RSU1: variants seen among roughly 807,000 people sequenced by gnomAD.
The protein encoded by RSU1 is Ras suppressor protein 1.
A neutral mutation model predicts 31.1 loss-of-function variants in RSU1; 26 were observed. That is an observed-to-expected ratio of 0.84 (90% CI 0.61 to 1.16). The LOEUF (loss-of-function observed/expected upper bound fraction) is 1.16, where lower values mean the gene tolerates loss of function less well. Among genes scored for constraint, RSU1 ranks in the 50% most tolerant of loss-of-function variants. The pLI is 0.00. For synonymous variants in RSU1, 164 were observed against 136.3 expected (o/e 1.20, Z -1.41); for missense variants, 320 against 339.1 (o/e 0.94, Z 0.44).
At chr10:16,778,013 T>G (rs1217522998) in intron 3 of RSU1, among the ~76,000 whole-genome samples, 3 of 141,884 alleles carry the variant, frequency 2.1e-5, no homozygotes, top group Non-Finnish European at 3.0e-5. Flanking sequence ...CATAAGGTCA[T>G]ATACCTTTTT....
At chr10:16,778,705 G>A (rs1423506949) in intron 3 of RSU1, among the ~76,000 whole-genome samples, 1 of 152,140 alleles carries the variant, frequency 6.6e-6, no homozygotes, top group African/African-American at 2.4e-5. Flanking sequence ...GAGGGAGGAG[G>A]AGAGGCAGGC....
At chr10:16,784,169 C>G (rs1217516804) in intron 2 of RSU1, among the ~76,000 whole-genome samples, 3 of 123,774 alleles carry the variant, frequency 2.4e-5, no homozygotes, top group African/African-American at 1.6e-4. Flanking sequence ...GCAGCCTCAG[C>G]ATCCCAGGCT....
intron 2 of RSU1, among the ~76,000 whole-genome samples, chr10:16,808,344 C>T (rs530105842): frequency 1.2e-4 from 18 of 152,036 alleles, no homozygotes; most frequent in South Asian, 1.0e-3. Context: ...ATTCGCCAGG[C>T]GTTGTGGCAG....
intron 2 of RSU1, among the ~76,000 whole-genome samples, chr10:16,816,206 A>C (rs1015950440): frequency 6.6e-6 from 1 of 152,240 alleles, no homozygotes; most frequent in African/African-American, 2.4e-5. Flanking sequence ...TTAAGAAAAT[A>C]ATCTGGCACA....
chr10:16,702,392 G>A (rs1025876499), intron 7 of RSU1, among the ~76,000 whole-genome samples: 16 of 152,364 alleles, frequency 1.1e-4, no homozygotes, highest in Admixed American at 7.2e-4. Context: ...ACCCTGCACC[G>A]GGAAAAGCTG....
intron 7 of RSU1, among the ~76,000 whole-genome samples, chr10:16,749,508 C>T (rs1412260033): frequency 2.6e-5 from 4 of 152,152 alleles, no homozygotes. Flanking sequence ...CACTTTAAAA[C>T]ACCCCCAGAA....
At chr10:16,733,213 G>A (rs975103161) in intron 7 of RSU1, among the ~76,000 whole-genome samples, 1 of 151,802 alleles carries the variant, frequency 6.6e-6, no homozygotes, top group African/African-American at 2.4e-5. Context: ...AAACCCGGCT[G>A]GGCATGGTGG....
chr10:16,595,753 G>A (rs1181966961), intron 8 of RSU1, among the ~76,000 whole-genome samples: 1 of 151,988 alleles, frequency 6.6e-6, no homozygotes, highest in Non-Finnish European at 1.5e-5. Flanking sequence ...CAGATCACGA[G>A]GTCAAGAGAT....
At chr10:16,594,787 A>AT (rs1319307941) in intron 8 of RSU1, among the ~76,000 whole-genome samples, 191 of 141,112 alleles carry the variant, frequency 1.4e-3, no homozygotes, top group African/African-American at 2.5e-3. Flanking sequence ...ATATATATAT[A>AT]TATTTTTTTT....
At chr10:16,780,924 T>A (rs1038352456) in intron 3 of RSU1, among the ~76,000 whole-genome samples, 4 of 152,222 alleles carry the variant, frequency 2.6e-5, no homozygotes, top group Non-Finnish European at 5.9e-5. Flanking sequence ...CTTACAAATA[T>A]ACGCTTTGGC....
At chr10:16,727,137 G>T (rs992797587) in intron 7 of RSU1, 18 of 456,480 alleles carry the variant, frequency 3.9e-5, no homozygotes, top group Admixed American at 3.3e-4. Context: ...CAAGGGAACA[G>T]GATGTGGCCT....
chr10:16,786,667 C>A (rs571811272), intron 2 of RSU1, among the ~76,000 whole-genome samples: 1 of 152,074 alleles, frequency 6.6e-6, no homozygotes, highest in African/African-American at 2.4e-5. Flanking sequence ...CTACGTTCAC[C>A]CCAATCTACC....
intron 8 of RSU1, among the ~76,000 whole-genome samples, chr10:16,693,623 G>A (rs1235960691): frequency 6.6e-6 from 1 of 152,176 alleles, no homozygotes; most frequent in Non-Finnish European, 1.5e-5. Context: ...CAGCACTTTG[G>A]AAGATGAAAG....
intron 8 of RSU1, among the ~76,000 whole-genome samples, chr10:16,632,947 A>T (rs1834278407): frequency 6.6e-6 from 1 of 151,992 alleles, no homozygotes; most frequent in Non-Finnish European, 1.5e-5. Context: ...AAACAACAAA[A>T]TTTAAAAAAA....
At chr10:16,707,345 C>A (rs1835927959) in intron 7 of RSU1, among the ~76,000 whole-genome samples, 1 of 152,086 alleles carries the variant, frequency 6.6e-6, no homozygotes, top group South Asian at 2.1e-4. Flanking sequence ...AATTTACAAT[C>A]CCACCAACAA....
At chr10:16,662,463 T>C (rs1280178143) in intron 8 of RSU1, among the ~76,000 whole-genome samples, 2 of 152,214 alleles carry the variant, frequency 1.3e-5, no homozygotes, top group Admixed American at 6.5e-5. Context: ...TGACTGCCCA[T>C]AGACTTCTCT....
rs569233756 is a variant in RSU1 at position 16,693,899 on chromosome 10, A to T, written c.731+1124T>A. ...ATTAATTAATTAAAAAATAAATTTT[A>T]AAAGTTGATGTCAGACACAAAAACA... On this transcript the variant is annotated intron_variant, in intron 8 of 8. Transcript: ENST00000345264. Among the ~76,000 whole-genome samples the T allele has an allele frequency of 4.5e-3, 681 of 152,288 alleles. 1 individual carries two copies. The highest frequency in any genetic ancestry group is 7.7e-3 in the Non-Finnish European group (522 of 68,014).
chr10:16,639,664 T>C (rs1210729479), intron 8 of RSU1, among the ~76,000 whole-genome samples: 1 of 152,268 alleles, frequency 6.6e-6, no homozygotes, highest in African/African-American at 2.4e-5. Context: ...CATGAAATTT[T>C]ATTGCCAAAG....
chr10:16,785,292 T>C (rs1325387270), intron 2 of RSU1, among the ~76,000 whole-genome samples: 1 of 151,988 alleles, frequency 6.6e-6, no homozygotes, highest in Non-Finnish European at 1.5e-5. Flanking sequence ...TCTTCACCTT[T>C]GGAACTTGGA....
Sources: gnomAD v4.1 joint callset for allele counts (sites outside exome capture counted in the v4.1 genomes callset) on GRCh38, gnomAD v4.1.1 for gene constraint, MANE v1.5 for transcripts, NCBI Gene and HGNC (gene_info 2026-07-23, HGNC 2026-07-21) for gene names.